Variants in FRMPD3 observed in about 807,000 individuals in gnomAD.
FRMPD3 encodes the protein FERM and PDZ domain-containing protein 3.
A neutral mutation model predicts 97.9 loss-of-function variants in FRMPD3; 42 were observed. That is an observed-to-expected ratio of 0.43 (90% CI 0.34 to 0.55). FRMPD3 has a LOEUF of 0.55. Among genes scored for constraint, FRMPD3 ranks in the 20% least tolerant of loss-of-function variants. The probability of loss-of-function intolerance (pLI) is 0.03; values close to 1 mark genes in which losing one functional copy is unlikely to be tolerated. For synonymous variants in FRMPD3, 577 were observed against 581.1 expected (o/e 0.99, Z 0.10); for missense variants, 1,303 against 1,457.7 (o/e 0.89, Z 1.73).
chrX:107,528,648 A>G (rs1209935027), intron 2 of FRMPD3, among the ~76,000 whole-genome samples: 1 of 112,805 alleles, frequency 8.9e-6, no homozygotes, highest in Non-Finnish European at 1.9e-5. Flanking sequence ...TCTATGATGC[A>G]TATGTACTGT....
At chrX:107,472,046 A>C (rs113925466) in intron 1 of FRMPD3, among the ~76,000 whole-genome samples, 3 of 112,217 alleles carry the variant, frequency 2.7e-5, no homozygotes, top group Non-Finnish European at 5.6e-5. Flanking sequence ...TTTCTGTGAT[A>C]ATCAGTGATG....
rs181194991 is a variant in FRMPD3 at position 107,530,319 on chromosome X, T to A, written c.149-90T>A. On this transcript the variant is annotated intron_variant, in intron 2 of 14. Transcript: ENST00000683843. The stretch of plus-strand genomic sequence containing the variant: ...CCATCTCCAGGCCTCAGCACCTGCT[T>A]CAGCTCCTACAGGCACAGGGGACTT... 8.9e-6 allele frequency: 6 copies of A among 671,506 alleles called. No individual in the cohort carries two copies. The Admixed American group carries it at 1.1e-4, about 12-fold the overall frequency. 55.3% of individuals were successfully genotyped at this position (671,506 alleles called of 1,213,427 possible).
rs966269512 is a variant in FRMPD3 at position 107,601,318 on chromosome X, C to T, written c.3279C>T (p.Thr1093=). The change falls in exon 15 of 15, where the codon ACC becomes ACT. Residue 1093 remains threonine (T), a synonymous_variant. Transcript: ENST00000683843. ...GCGGGCCAGTGGGTGGTAAGCCCAC[C>T]CTGCAGAAGCAGGGCACCATCTCCA... The part of the protein sequence containing the change: ...GKGGPVGGKP[T]LQKQGTISSQ... The T allele has an allele frequency of 8.3e-7, 1 of 1,203,889 alleles. No individual in the cohort carries two copies. Among genetic ancestry groups the T allele is most frequent in the African/African-American group, 1.7e-5 (1 of 57,143 alleles).
chrX:107,547,568 G>A (rs764298450), intron 5 of FRMPD3, among the ~76,000 whole-genome samples: 2 of 111,855 alleles, frequency 1.8e-5, no homozygotes, highest in East Asian at 5.6e-4. Context: ...CAGGCATAGT[G>A]TGAGGCTCTT....
At chrX:107,507,435 G>A (rs1398630449) in intron 1 of FRMPD3, among the ~76,000 whole-genome samples, 3 of 111,126 alleles carry the variant, frequency 2.7e-5, no homozygotes, top group South Asian at 7.8e-4. Flanking sequence ...CCACCCGAGT[G>A]GAGCAGGGGC....
chrX:107,576,534 C>T, intron 13 of FRMPD3, 75 bp downstream of exon 13: 1 of 1,103,094 alleles, frequency 9.1e-7, no homozygotes, highest in East Asian at 3.0e-5. Context: ...GGAAGAGCTT[C>T]TCTGCCTTAG....
intron 13 of FRMPD3, among the ~76,000 whole-genome samples, chrX:107,583,418 T>A (rs928856958): frequency 2.7e-5 from 3 of 112,414 alleles, no homozygotes; most frequent in African/African-American, 9.7e-5. Flanking sequence ...GGACATGATC[T>A]CATTCCTTTT....
chrX:107,586,301 T>A (rs1295209029), intron 13 of FRMPD3, among the ~76,000 whole-genome samples: 1 of 111,878 alleles, frequency 8.9e-6, no homozygotes, highest in Non-Finnish European at 1.9e-5. Flanking sequence ...CCCTGTATCA[T>A]TTTTTATTGT....
chrX:107,521,809 GA>G (rs767702638), intron 1 of FRMPD3, among the ~76,000 whole-genome samples: 10 of 112,726 alleles, frequency 8.9e-5, no homozygotes, highest in African/African-American at 3.2e-4. Flanking sequence ...CAAATGTAAA[GA>G]AAAAGGAGCC....
intron 12 of FRMPD3, among the ~76,000 whole-genome samples, chrX:107,570,039 T>TGAAA (rs1168263688): frequency 6.4e-3 from 358 of 56,372 alleles, no homozygotes; most frequent in African/African-American, 0.026. Flanking sequence ...GAAAGAAAGA[T>TGAAA]GAAAGAAAGA....
intron 7 of FRMPD3, among the ~76,000 whole-genome samples, chrX:107,553,220 G>T (rs762613044): frequency 4.6e-5 from 5 of 108,970 alleles, no homozygotes; most frequent in Non-Finnish European, 7.6e-5. Flanking sequence ...CCTGTCTCCT[G>T]GAAACCCCAC....
intron 1 of FRMPD3, among the ~76,000 whole-genome samples, chrX:107,456,475 G>A (rs187071274): frequency 2.2e-3 from 245 of 111,934 alleles, no homozygotes; most frequent in African/African-American, 7.5e-3. Context: ...GCCAAACATC[G>A]ATCACATCAT....
intron 1 of FRMPD3, among the ~76,000 whole-genome samples, chrX:107,511,844 G>A (rs1569413797): frequency 9.0e-6 from 1 of 111,722 alleles, no homozygotes; most frequent in Non-Finnish European, 1.9e-5. Context: ...GGGTGGCCGG[G>A]GACCCTCTTC....
At chrX:107,514,207 T>G (rs1791646941) in intron 1 of FRMPD3, among the ~76,000 whole-genome samples, 2 of 106,838 alleles carry the variant, frequency 1.9e-5, no homozygotes, top group African/African-American at 3.4e-5. Flanking sequence ...CATGGAGGGG[T>G]GGGGGAGTTG....
In FRMPD3 at chrX:107,536,275, G is replaced by A. The variant is rs186239266; in HGVS notation, c.297+2725G>A. On this transcript the variant is annotated intron_variant, in intron 4 of 14. Transcript: ENST00000683843. ...AGAGGCTGAGGCAGGAGGATTGCTT[G>A]AGCCCAGGTGTTGGAGACTGCTTTG... 6.3e-3 allele frequency among the ~76,000 whole-genome samples: 703 copies of A among 111,134 alleles called. 9 individuals carry two copies. The highest frequency in any genetic ancestry group is 0.022 in the African/African-American group (658 of 30,540).
At chrX:107,497,814 A>C (rs2147526977) in intron 1 of FRMPD3, among the ~76,000 whole-genome samples, 1 of 112,357 alleles carries the variant, frequency 8.9e-6, no homozygotes, top group East Asian at 2.8e-4. Context: ...ATTAATTTGC[A>C]ATTTGTTGGC....
At chrX:107,482,721 A>G (rs1921406517) in intron 1 of FRMPD3, among the ~76,000 whole-genome samples, 1 of 112,227 alleles carries the variant, frequency 8.9e-6, no homozygotes, top group Non-Finnish European at 1.9e-5. Flanking sequence ...ACTATGAGAG[A>G]GCAGAGTCAC....
At chrX:107,527,507 G>C (rs1922741238) in intron 2 of FRMPD3, among the ~76,000 whole-genome samples, 1 of 112,177 alleles carries the variant, frequency 8.9e-6, no homozygotes, top group African/African-American at 3.2e-5. Flanking sequence ...AGGGGAAGTA[G>C]GGCCTGAAAG....
chrX:107,560,470 A>ATGCTT (rs2147596646), intron 9 of FRMPD3, 77 bp downstream of exon 9: 1 of 1,131,380 alleles, frequency 8.8e-7, no homozygotes, highest in East Asian at 3.1e-5. Flanking sequence ...GAGCTATGCT[A>ATGCTT]TGCTTTTCAG....
Sources: allele counts gnomAD v4.1 joint callset (sites outside exome capture counted in the v4.1 genomes callset), GRCh38; gene constraint gnomAD v4.1.1; transcripts MANE v1.5; gene names NCBI Gene and HGNC (gene_info 2026-07-23, HGNC 2026-07-21).